Variants in UBE2K observed in about 807,000 individuals in gnomAD.
The protein encoded by UBE2K is ubiquitin conjugating enzyme E2 K, also known as ubiquitin-conjugating enzyme E2 K.
UBE2K carries 6 observed loss-of-function variants against 30.0 expected under a neutral mutation model. The ratio of observed to expected loss-of-function variants is 0.20; its 90% CI spans 0.11 to 0.39. The LOEUF is 0.39. Ranked by LOEUF, UBE2K falls within the 10% of genes least tolerant of loss-of-function variation. UBE2K has a pLI of 1.00. For synonymous variants in UBE2K, 86 were observed against 83.7 expected, an observed-to-expected ratio of 1.03 and a Z score of -0.15; for missense variants, 61 against 241.6, an observed-to-expected ratio of 0.25 and a Z score of 4.96.
At chr4:39,777,978 A>G (rs1713373543) in intron 6 of UBE2K, among the ~76,000 whole-genome samples, 168 bp downstream of exon 6, 1 of 151,704 alleles carries the variant, frequency 6.6e-6, no homozygotes, top group South Asian at 2.1e-4. Flanking sequence ...AGTGCCTGTA[A>G]TTCCAGCTAC....
chr4:39,770,973 A>T, intron 4 of UBE2K: 1 of 1,598,850 alleles, frequency 6.3e-7, no homozygotes, highest in Non-Finnish European at 8.5e-7. Context: ...TCCTGGCTGG[A>T]GGGAGGAGGG....
chr4:39,698,205 C>G lies in UBE2K; in HGVS notation c.-123C>G. The G allele has an allele frequency of 1.1e-6, 1 of 920,052 alleles. No individual in the cohort carries two copies. The highest frequency in any genetic ancestry group is 1.7e-6 in the Non-Finnish European group (1 of 573,110). 57.0% of individuals were successfully genotyped at this position (920,052 alleles called of 1,614,324 possible). On this transcript the variant is annotated 5_prime_UTR_variant, in exon 1 of 7. Transcript: ENST00000261427. ...AGCGCGGCGGCCGGGGTGGTAGTGG[C>G]AGTGTTCGTGTGCTCAGGTCTGAAT...
At chr4:39,732,951 C>G (rs558303054) in intron 1 of UBE2K, among the ~76,000 whole-genome samples, 1 of 149,732 alleles carries the variant, frequency 6.7e-6, no homozygotes, top group East Asian at 2.0e-4. Flanking sequence ...ACTGGAATTA[C>G]AGGGGTGAAA....
intron 2 of UBE2K, among the ~76,000 whole-genome samples, chr4:39,738,826 C>T (rs969884912): frequency 6.6e-6 from 1 of 151,984 alleles, no homozygotes; most frequent in Non-Finnish European, 1.5e-5. Flanking sequence ...TACAGGCGCA[C>T]CACCATGCCG....
At chr4:39,747,406 T>C (rs945644259) in intron 3 of UBE2K, among the ~76,000 whole-genome samples, 1 of 152,224 alleles carries the variant, frequency 6.6e-6, no homozygotes, top group Non-Finnish European at 1.5e-5. Context: ...TTCTCCGAGT[T>C]TGATTAATTC....
At position 39,778,827 on chromosome 4, in the gene UBE2K, C is replaced by A. The variant is rs1560384873; in HGVS notation, c.*393C>A. The A allele has an allele frequency of 6.4e-6, 1 of 156,134 alleles. No individual in the cohort carries two copies. Among genetic ancestry groups the A allele is most frequent in the Non-Finnish European group, 1.4e-5 (1 of 70,490 alleles). The allele number at this position is 156,134 out of a possible 1,614,324, so 9.7% of individuals were successfully genotyped here. On this transcript the variant is annotated 3_prime_UTR_variant, in exon 7 of 7. Coordinates refer to ENST00000261427, the MANE Select transcript of UBE2K (RefSeq NM_005339.5). The stretch of plus-strand genomic sequence containing the variant: ...CATTCAAATTGTTGGTGTTGCATCA[C>A]AGCTACCTTAACTGTTTTTAACATG...
intron 1 of UBE2K, among the ~76,000 whole-genome samples, chr4:39,703,418 G>T (rs1408809232): frequency 6.6e-6 from 1 of 152,074 alleles, no homozygotes; most frequent in Admixed American, 6.6e-5. Context: ...GGAGGCCGAG[G>T]CTGGAGGATG....
At chr4:39,712,535 T>C (rs545749877) in intron 1 of UBE2K, among the ~76,000 whole-genome samples, 10 of 152,112 alleles carry the variant, frequency 6.6e-5, no homozygotes, top group African/African-American at 2.4e-4. Flanking sequence ...GTTCAAGCAA[T>C]TCTCCTGCCT....
chr4:39,768,655 T>C (rs1336472089), intron 4 of UBE2K, among the ~76,000 whole-genome samples: 3 of 152,112 alleles, frequency 2.0e-5, no homozygotes, highest in Non-Finnish European at 2.9e-5. Flanking sequence ...GTACAGAGAT[T>C]ACAGGCATGA....
intron 1 of UBE2K, among the ~76,000 whole-genome samples, chr4:39,723,558 CAG>C (rs750312985): frequency 1.3e-5 from 2 of 151,342 alleles, no homozygotes; most frequent in Non-Finnish European, 2.9e-5. Flanking sequence ...TTAGTAGAAA[CAG>C]TGTTTCACTG....
intron 1 of UBE2K, among the ~76,000 whole-genome samples, chr4:39,727,677 G>A (rs984083573): frequency 6.6e-6 from 1 of 151,996 alleles, no homozygotes; most frequent in African/African-American, 2.4e-5. Flanking sequence ...TGGGATTACA[G>A]GTGTGAGCCA....
intron 4 of UBE2K, among the ~76,000 whole-genome samples, chr4:39,768,504 T>C (rs189046615): frequency 9.2e-5 from 14 of 151,880 alleles, no homozygotes; most frequent in African/African-American, 3.4e-4. Context: ...AATGAACATT[T>C]GAGGACTGAG....
At chr4:39,735,155 A>G (rs1349405821) in intron 1 of UBE2K, among the ~76,000 whole-genome samples, 1 of 152,232 alleles carries the variant, frequency 6.6e-6, no homozygotes, top group Non-Finnish European at 1.5e-5. Flanking sequence ...TGAAAGTTGG[A>G]TGCCTCCAAT....
Position 39,768,668 on chromosome 4 carries a change from C to T in UBE2K, c.300-6166C>T, listed in dbSNP as rs1712519000. On this transcript the variant is annotated intron_variant, in intron 4 of 6. Transcript: ENST00000261427. ...AAGTACAGAGATTACAGGCATGAAC[C>T]ACCGTGCCTGGTCCTATTTTTAATT... 2.6e-5 allele frequency among the ~76,000 whole-genome samples: 4 copies of T among 152,080 alleles called. No homozygotes were observed. The South Asian group carries it at 8.3e-4, about 32-fold the overall frequency.
intron 4 of UBE2K, among the ~76,000 whole-genome samples, chr4:39,769,045 C>T (rs528922926): frequency 3.3e-5 from 5 of 151,906 alleles, no homozygotes; most frequent in Non-Finnish European, 5.9e-5. Context: ...AGGTAGGTCT[C>T]GAGCTCCTGA....
chr4:39,718,251 T>G (rs1233832830), intron 1 of UBE2K, among the ~76,000 whole-genome samples: 2 of 152,202 alleles, frequency 1.3e-5, no homozygotes, highest in Non-Finnish European at 2.9e-5. Context: ...GACACAAAAG[T>G]TCTCCATGTT....
chr4:39,703,601 C>T (rs1718158285), intron 1 of UBE2K, among the ~76,000 whole-genome samples: 1 of 151,980 alleles, frequency 6.6e-6, no homozygotes, highest in Admixed American at 6.6e-5. Context: ...GTAATCCCAG[C>T]ACTTTGGGAG....
At chr4:39,740,940 C>T (rs1056553035) in intron 2 of UBE2K, among the ~76,000 whole-genome samples, 1 of 150,720 alleles carries the variant, frequency 6.6e-6, no homozygotes. Flanking sequence ...TTCTTTTTCC[C>T]GATACCGAGA....
chr4:39,742,784 G>C (rs137916657), intron 2 of UBE2K, among the ~76,000 whole-genome samples: 15,844 of 152,090 alleles, frequency 0.1, 1,090 homozygotes, highest in East Asian at 0.22. Context: ...AATGGCTTAT[G>C]CCTGTAATCC....
Sources: allele counts gnomAD v4.1 joint callset (sites outside exome capture counted in the v4.1 genomes callset), GRCh38; gene constraint gnomAD v4.1.1; transcripts MANE v1.5; gene names NCBI Gene and HGNC (gene_info 2026-07-23, HGNC 2026-07-21).